CACNA2D3: variants seen among roughly 807,000 people sequenced by gnomAD.
CACNA2D3 encodes voltage-dependent calcium channel subunit alpha-2/delta-3.
In CACNA2D3, 60 loss-of-function variants were observed where a neutral mutation model predicts 160.6. The observed-to-expected ratio is 0.37, with a 90% CI of 0.30 to 0.46. The LOEUF (loss-of-function observed/expected upper bound fraction) is 0.46, where lower values mean the gene tolerates loss of function less well. Ranked by LOEUF, CACNA2D3 falls within the 20% of genes least tolerant of loss-of-function variation. The probability of loss-of-function intolerance (pLI) is 1.00; values close to 1 mark genes in which losing one functional copy is unlikely to be tolerated. For missense variants in CACNA2D3, 1,205 were observed against 1,365.0 expected (o/e 0.88, Z 1.85); for synonymous variants, 558 against 492.9 (o/e 1.13, Z -1.75).
chr3:54,517,794 T>C (rs1701577836), intron 5 of CACNA2D3, among the ~76,000 whole-genome samples: 1 of 152,114 alleles, frequency 6.6e-6, no homozygotes, highest in African/African-American at 2.4e-5. Context: ...TTCCTGTTGC[T>C]CCAACCCTGC....
chr3:54,208,567 G>T (rs1247404677), intron 2 of CACNA2D3, among the ~76,000 whole-genome samples: 1 of 152,118 alleles, frequency 6.6e-6, no homozygotes, highest in Non-Finnish European at 1.5e-5. Context: ...TAGAGACTAG[G>T]GAGGCCTAGT....
At chr3:54,373,088 G>A (rs1170094662) in intron 3 of CACNA2D3, among the ~76,000 whole-genome samples, 2 of 152,146 alleles carry the variant, frequency 1.3e-5, no homozygotes, top group Non-Finnish European at 2.9e-5. Context: ...GAAAGTCTTG[G>A]GCAAAGTTTA....
chr3:54,766,323 A>T (rs964571323), intron 13 of CACNA2D3, among the ~76,000 whole-genome samples: 25 of 152,202 alleles, frequency 1.6e-4, no homozygotes, highest in Non-Finnish European at 2.9e-5. Flanking sequence ...ATGAGCAAAA[A>T]AGTTGACAAT....
At chr3:54,789,275 T>G (rs1234632479) in intron 13 of CACNA2D3, among the ~76,000 whole-genome samples, 1 of 152,194 alleles carries the variant, frequency 6.6e-6, no homozygotes, top group Non-Finnish European at 1.5e-5. Context: ...GATATGTGTT[T>G]TAAAAAAACT....
chr3:54,912,155 G>A (rs7634982), intron 27 of CACNA2D3, among the ~76,000 whole-genome samples: 78,066 of 152,080 alleles, frequency 0.51, 20,509 homozygotes, highest in East Asian at 0.76. Context: ...AGGCTTCTCC[G>A]TAGGGTAGCT....
At chr3:54,133,922 AC>A (rs945645350) in intron 2 of CACNA2D3, among the ~76,000 whole-genome samples, 33 of 152,158 alleles carry the variant, frequency 2.2e-4, no homozygotes, top group African/African-American at 7.7e-4. Context: ...CAAGTTCCTT[AC>A]CTGTAAAATG....
Position 54,822,790 on chromosome 3 carries a change from CCTTTCTTTCTTTCTTT to C in CACNA2D3, c.1398+5949_1398+5964del, listed in dbSNP as rs71096453. 4.2e-4 allele frequency among the ~76,000 whole-genome samples: 30 copies of C among 71,946 alleles called. 1 individual carries two copies. Among genetic ancestry groups the C allele is most frequent in the Middle Eastern group, 5.7e-3 (1 of 176 alleles). The allele number at this position is 71,946 out of a possible 152,430, so 47.2% of individuals were successfully genotyped here. A position where few individuals can be genotyped will look rare whatever the true frequency, so the allele number is the denominator to read the frequency against. On this transcript the variant is annotated intron_variant, in intron 14 of 37. Transcript: ENST00000474759. ...TCTTTCTTTCTTTCTTTCTTTCTTT[CCTTTCTTTCTTTCTTT>C]CTTTCTTTCTTTCTTTCTTTCTTTC...
intron 5 of CACNA2D3, among the ~76,000 whole-genome samples, chr3:54,543,359 A>G (rs1377588722): frequency 6.6e-6 from 1 of 152,220 alleles, no homozygotes; most frequent in Non-Finnish European, 1.5e-5. Context: ...AGTGGTTCTC[A>G]ATTGCATAGG....
chr3:54,976,042 G>C (rs1702383442), intron 29 of CACNA2D3, among the ~76,000 whole-genome samples: 1 of 142,834 alleles, frequency 7.0e-6, no homozygotes, highest in African/African-American at 2.8e-5. Context: ...TATAAATATA[G>C]GTATAGATAT....
At chr3:54,606,481 C>T (rs182479731) in intron 9 of CACNA2D3, among the ~76,000 whole-genome samples, 2 of 152,146 alleles carry the variant, frequency 1.3e-5, no homozygotes, top group East Asian at 3.9e-4. Context: ...GATGCTGGCT[C>T]TCTTGAAGGC....
intron 29 of CACNA2D3, among the ~76,000 whole-genome samples, chr3:54,981,808 C>A (rs903718775): frequency 6.6e-6 from 1 of 151,642 alleles, no homozygotes; most frequent in Non-Finnish European, 1.5e-5. Context: ...TCATACTTGC[C>A]CCCCCATTGG....
intron 9 of CACNA2D3, among the ~76,000 whole-genome samples, chr3:54,592,154 T>C (rs1048250214): frequency 8.5e-5 from 13 of 152,140 alleles, no homozygotes; most frequent in African/African-American, 3.1e-4. Context: ...AAGTCAGAAG[T>C]AGATCATTTA....
chr3:54,526,627 C>T (rs1344138385), intron 5 of CACNA2D3, among the ~76,000 whole-genome samples: 3 of 152,158 alleles, frequency 2.0e-5, no homozygotes, highest in Non-Finnish European at 4.4e-5. Context: ...GCACAGTCAA[C>T]AAGAGCTTGG....
intron 2 of CACNA2D3, among the ~76,000 whole-genome samples, chr3:54,319,157 GACACAC>G (rs58790730): frequency 0.13 from 18,196 of 138,820 alleles, 1,231 homozygotes; most frequent in East Asian, 0.3. Flanking sequence ...AGCATTTTGT[GACACAC>G]ACACACACAC....
intron 3 of CACNA2D3, among the ~76,000 whole-genome samples, chr3:54,345,517 C>T (rs1575407162): frequency 6.6e-6 from 1 of 152,150 alleles, no homozygotes; most frequent in South Asian, 2.1e-4. Context: ...TAGCTCTTTT[C>T]CATGACCTGC....
intron 2 of CACNA2D3, among the ~76,000 whole-genome samples, chr3:54,141,097 G>GCGCGCACGTGCA (rs1559860132): frequency 2.2e-5 from 3 of 133,666 alleles, no homozygotes; most frequent in South Asian, 4.6e-4. Context: ...GCGCGCGCGC[G>GCGCGCACGTGCA]CGTGTGTGCA....
At chr3:54,385,384 T>A (rs1460125193) in intron 3 of CACNA2D3, among the ~76,000 whole-genome samples, 1 of 152,182 alleles carries the variant, frequency 6.6e-6, no homozygotes, top group Non-Finnish European at 1.5e-5. Flanking sequence ...ACACCTGTAG[T>A]GAGTTAGCAT....
At chr3:54,218,745 C>T (rs1006818037) in intron 2 of CACNA2D3, among the ~76,000 whole-genome samples, 3 of 152,168 alleles carry the variant, frequency 2.0e-5, no homozygotes. Context: ...GTCAGCAGAT[C>T]TCTGTTCCTT....
At chr3:54,216,548 T>C (rs1342480049) in intron 2 of CACNA2D3, among the ~76,000 whole-genome samples, 1 of 152,210 alleles carries the variant, frequency 6.6e-6, no homozygotes, top group Non-Finnish European at 1.5e-5. Context: ...GTGGAACTGA[T>C]AGAGTAATAT....
Sources: allele counts gnomAD v4.1 joint callset (sites outside exome capture counted in the v4.1 genomes callset), GRCh38; gene constraint gnomAD v4.1.1; transcripts MANE v1.5; gene names NCBI Gene and HGNC (gene_info 2026-07-23, HGNC 2026-07-21).